TUB: variants seen among roughly 807,000 people sequenced by gnomAD.
TUB encodes the protein tubby protein homolog.
In TUB, 33 loss-of-function variants were observed where a neutral mutation model predicts 59.7. That is an observed-to-expected ratio of 0.55 (90% CI 0.42 to 0.74). The LOEUF (loss-of-function observed/expected upper bound fraction) is 0.74, where lower values mean the gene tolerates loss of function less well. TUB is among the 30% of genes least tolerant of loss of function. TUB has a pLI of 0.00. For missense variants in TUB, 659 were observed against 672.0 expected (o/e 0.98, Z 0.21); for synonymous variants, 293 against 256.4 (o/e 1.14, Z -1.36).
In TUB at chr11:8,046,845, C is replaced by A. The variant is rs550084195; in HGVS notation, c.203+7153C>A. ...GTCCAATTTTTTGGCTTCCTTGGGC[C>A]ACATTGGAAGAAGAAAAATTGTCTT... On this transcript the variant is annotated intron_variant, in intron 2 of 12. Coordinates refer to the TUB transcript ENST00000305253. Among the ~76,000 whole-genome samples, 150 of 152,290 alleles carry A rather than the reference C, an allele frequency of 9.8e-4. 1 individual carries two copies. Among genetic ancestry groups the A allele is most frequent in the African/African-American group, 3.5e-3 (144 of 41,554 alleles).
chr11:8,033,099 C>T (rs1942599634), intron 1 of TUB, among the ~76,000 whole-genome samples: 2 of 152,274 alleles, frequency 1.3e-5, no homozygotes, highest in South Asian at 4.1e-4. Flanking sequence ...TGGGGGGGAA[C>T]CTGGGAGACA....
intron 1 of TUB, among the ~76,000 whole-genome samples, chr11:8,032,494 G>C (rs1942589229): frequency 6.6e-6 from 1 of 152,222 alleles, no homozygotes. Context: ...TTGGAAAACA[G>C]ACACATCTAT....
chr11:8,060,342 TG>T (rs1943100241), intron 2 of TUB, among the ~76,000 whole-genome samples: 2 of 151,760 alleles, frequency 1.3e-5, no homozygotes, highest in Non-Finnish European at 2.9e-5. Context: ...AACCAGAGAG[TG>T]GGCAGGAGAA....
At chr11:8,089,824 C>A (rs11041736) in intron 2 of TUB, among the ~76,000 whole-genome samples, 163 bp downstream of exon 2, 1 of 152,242 alleles carries the variant, frequency 6.6e-6, no homozygotes. Context: ...CAGCACTAAC[C>A]CTGCCGCGGC....
Position 8,038,875 on chromosome 11 carries a change from TG to T in TUB, c.7del (p.Ala3?). The stretch of plus-strand genomic sequence containing the variant: ...AACCCACTCCATCCTGTGGCCACGA[TG>T]GGGGCCAGGACACCTTTGCCTTCTT... On this transcript the variant is annotated frameshift_variant and start_lost, in exon 1 of 13. Coordinates refer to the TUB transcript ENST00000305253. LOFTEE classifies it high-confidence loss of function. 1 of 1,613,886 alleles carries T rather than the reference TG, an allele frequency of 6.2e-7. No homozygotes were observed. The highest frequency in any genetic ancestry group is 1.1e-5 in the South Asian group (1 of 91,066).
At chr11:8,071,534 T>C (rs1564910393) in intron 2 of TUB, among the ~76,000 whole-genome samples, 1 of 152,112 alleles carries the variant, frequency 6.6e-6, no homozygotes, top group African/African-American at 2.4e-5. Flanking sequence ...TAATGGTGTT[T>C]TTAGATCAAG....
chr11:8,072,504 A>G (rs1943377851), intron 2 of TUB, among the ~76,000 whole-genome samples: 1 of 152,176 alleles, frequency 6.6e-6, no homozygotes, highest in African/African-American at 2.4e-5. Flanking sequence ...GGGAGCTGCC[A>G]GCAATCAATG....
intron 1 of TUB, among the ~76,000 whole-genome samples, chr11:8,081,761 T>C (rs576504494): frequency 1.3e-5 from 2 of 152,314 alleles, no homozygotes; most frequent in South Asian, 4.1e-4. Context: ...CTGCCAGGGT[T>C]GCTGGAAGGG....
At chr11:8,040,839 T>C (rs147358353) in intron 2 of TUB, among the ~76,000 whole-genome samples, 1 of 152,332 alleles carries the variant, frequency 6.6e-6, no homozygotes, top group Non-Finnish European at 1.5e-5. Context: ...TATAAGTTGA[T>C]GACAGCCTCC....
chr11:8,022,143 G>A (rs1245379965), intron 1 of TUB, among the ~76,000 whole-genome samples: 1 of 152,138 alleles, frequency 6.6e-6, no homozygotes, highest in Non-Finnish European at 1.5e-5. Context: ...GCAGTTGATT[G>A]TGCTGCAGCT....
intron 2 of TUB, among the ~76,000 whole-genome samples, chr11:8,065,886 T>C (rs1184915299): frequency 6.6e-6 from 1 of 152,242 alleles, no homozygotes; most frequent in Non-Finnish European, 1.5e-5. Context: ...GCACCACTCC[T>C]GCACATAGTA....
In TUB at chr11:8,104,948, CCATTCTGAAAATAGCAGGA is replaced by C. The variant is rs1371602288; in HGVS notation, c.*3334_*3352del. 8.7e-4 allele frequency: 109 copies of C among 125,584 alleles called. No homozygotes were observed. The highest frequency in any genetic ancestry group is 2.9e-3 in the African/African-American group (103 of 35,662). 7.8% of individuals were successfully genotyped at this position (125,584 alleles called of 1,614,324 possible). A position where few individuals can be genotyped will look rare whatever the true frequency, so the allele number is the denominator to read the frequency against. The stretch of plus-strand genomic sequence containing the variant: ...GAAGGTTGTTTTTTTTTTTTTTTCT[CCATTCTGAAAATAGCAGGA>C]CATTTACCTCTTAAATAAACTTAGC... On this transcript the variant is annotated 3_prime_UTR_variant, in exon 12 of 12. Coordinates refer to ENST00000299506, the MANE Select transcript of TUB (RefSeq NM_177972.3).
At chr11:8,082,756 T>C (rs1943594530) in intron 1 of TUB, among the ~76,000 whole-genome samples, 1 of 152,198 alleles carries the variant, frequency 6.6e-6, no homozygotes, top group Admixed American at 6.5e-5. Context: ...GCCCAAGGCT[T>C]CTTAAAAGCA....
chr11:8,030,022 G>C (rs1413988648), intron 1 of TUB, among the ~76,000 whole-genome samples: 1 of 152,182 alleles, frequency 6.6e-6, no homozygotes, highest in Admixed American at 6.5e-5. Context: ...TGGCGTTAGA[G>C]GGCAGTGAGT....
upstream of TUB, among the ~76,000 whole-genome samples, chr11:8,081,096 C>A (rs1227922503): frequency 1.4e-5 from 1 of 69,030 alleles, no homozygotes; most frequent in African/African-American, 5.8e-5. Flanking sequence ...GCGACGATTT[C>A]GGGGGAGGGG....
chr11:8,072,149 G>GCAAAGGA (rs1943371355), intron 2 of TUB, among the ~76,000 whole-genome samples: 1 of 152,198 alleles, frequency 6.6e-6, no homozygotes, highest in Admixed American at 6.5e-5. Context: ...ACACAGTGAT[G>GCAAAGGA]CAAAGGACGC....
intron 2 of TUB, among the ~76,000 whole-genome samples, chr11:8,040,870 G>C (rs1306272837): frequency 6.6e-6 from 1 of 152,182 alleles, no homozygotes; most frequent in Non-Finnish European, 1.5e-5. Context: ...CACTGTCAAG[G>C]CTGCAAGAAA....
At chr11:8,094,213 C>A in intron 4 of TUB, 24 bp downstream of exon 4, 1 of 1,594,230 alleles carries the variant, frequency 6.3e-7, no homozygotes. Flanking sequence ...CTCTACAGCC[C>A]TCCCCAGCAG....
chr11:8,048,902 C>T (rs966639104), intron 2 of TUB, among the ~76,000 whole-genome samples: 1 of 152,060 alleles, frequency 6.6e-6, no homozygotes, highest in Non-Finnish European at 1.5e-5. Context: ...TACTGCATGC[C>T]AGACTCTGTA....
Sources: gnomAD v4.1 joint callset for allele counts (sites outside exome capture counted in the v4.1 genomes callset) on GRCh38, gnomAD v4.1.1 for gene constraint, MANE v1.5 for transcripts, NCBI Gene and HGNC (gene_info 2026-07-23, HGNC 2026-07-21) for gene names.